Variants in IL1R1 observed in about 807,000 individuals in gnomAD.
IL1R1 encodes interleukin 1 receptor type 1.
Under a neutral mutation model 50.2 loss-of-function variants are expected in IL1R1, and 22 were observed. The ratio of observed to expected loss-of-function variants is 0.44; its 90% CI spans 0.31 to 0.63. IL1R1 has a LOEUF of 0.63. Ranked by LOEUF, IL1R1 falls within the 20% of genes least tolerant of loss-of-function variation. The pLI, the probability that IL1R1 is intolerant of heterozygous loss-of-function variation, is 0.07. For missense variants in IL1R1, 509 were observed against 676.2 expected (o/e 0.75, Z 2.74); for synonymous variants, 251 against 236.7 (o/e 1.06, Z -0.55).
intron 9 of IL1R1, among the ~76,000 whole-genome samples, 163 bp from the exon 10 acceptor site, chr2:102,174,424 A>C (rs984004262): frequency 6.6e-6 from 1 of 152,232 alleles, no homozygotes; most frequent in Admixed American, 6.5e-5. Context: ...GTACATTAGT[A>C]TCCATTACAA....
intron 1 of IL1R1, among the ~76,000 whole-genome samples, chr2:102,073,511 A>T (rs1159844486): frequency 6.6e-6 from 1 of 152,168 alleles, no homozygotes; most frequent in Non-Finnish European, 1.5e-5. Context: ...CCTCCAGTGT[A>T]GAGGAGACTG....
At chr2:102,143,067 A>C (rs548924740) in intron 1 of IL1R1, 47 bp downstream of exon 1, 3 of 152,462 alleles carry the variant, frequency 2.0e-5, no homozygotes, top group Admixed American at 2.0e-4. Flanking sequence ...GGTGAGACGG[A>C]CCACAGCCTT....
At chr2:102,092,912 G>C (rs1679738057) in intron 1 of IL1R1, among the ~76,000 whole-genome samples, 1 of 152,066 alleles carries the variant, frequency 6.6e-6, no homozygotes, top group Non-Finnish European at 1.5e-5. Flanking sequence ...ATTTCGCCAA[G>C]ATGTACTTAG....
chr2:102,119,674 A>C (rs1191499195), intron 1 of IL1R1, among the ~76,000 whole-genome samples: 5 of 152,200 alleles, frequency 3.3e-5, no homozygotes, highest in Admixed American at 3.3e-4. Context: ...GGTACAACTG[A>C]CAAACAATAA....
intron 1 of IL1R1, among the ~76,000 whole-genome samples, chr2:102,124,950 AC>A (rs1167246165): frequency 6.6e-6 from 1 of 152,072 alleles, no homozygotes; most frequent in Non-Finnish European, 1.5e-5. Flanking sequence ...CCTGAGACTC[AC>A]CCACTATCAC....
At chr2:102,093,025 G>A (rs750411294) in intron 1 of IL1R1, among the ~76,000 whole-genome samples, 6 of 152,214 alleles carry the variant, frequency 3.9e-5, no homozygotes, top group Non-Finnish European at 5.9e-5. Context: ...CTGATTAGCA[G>A]TTTTGGAATA....
intron 1 of IL1R1, among the ~76,000 whole-genome samples, chr2:102,147,002 C>T (rs532549439): frequency 2.0e-5 from 3 of 152,216 alleles, no homozygotes; most frequent in African/African-American, 7.2e-5. Context: ...GCGTGGGTGC[C>T]GAGATAGCAG....
intron 1 of IL1R1, among the ~76,000 whole-genome samples, chr2:102,120,853 C>T (rs1468105217): frequency 1.3e-5 from 2 of 152,140 alleles, no homozygotes; most frequent in Non-Finnish European, 2.9e-5. Context: ...GGTGTGCGCA[C>T]AATAAAAAAT....
chr2:102,092,269 G>C (rs1319375098), intron 1 of IL1R1, among the ~76,000 whole-genome samples: 1 of 152,012 alleles, frequency 6.6e-6, no homozygotes, highest in Non-Finnish European at 1.5e-5. Flanking sequence ...GCAGAGGGGC[G>C]GGAGGCTGGC....
chr2:102,083,583 C>T (rs972140894), intron 1 of IL1R1, among the ~76,000 whole-genome samples: 1 of 152,126 alleles, frequency 6.6e-6, no homozygotes, highest in East Asian at 1.9e-4. Flanking sequence ...AGGAGTTTTC[C>T]TCTAGTACCT....
chr2:102,129,429 A>C (rs562071645), intron 1 of IL1R1, among the ~76,000 whole-genome samples: 2 of 152,340 alleles, frequency 1.3e-5, no homozygotes, highest in South Asian at 2.1e-4. Flanking sequence ...TAGAAATTTC[A>C]TTCCTACATA....
At chr2:102,112,734 G>GT (rs749261449) in intron 1 of IL1R1, among the ~76,000 whole-genome samples, 1 of 152,068 alleles carries the variant, frequency 6.6e-6, no homozygotes, top group Non-Finnish European at 1.5e-5. Flanking sequence ...TACTTTAATA[G>GT]TTTTTTTTAG....
At chr2:102,126,232 G>A (rs1018070866) in intron 1 of IL1R1, among the ~76,000 whole-genome samples, 5 of 152,150 alleles carry the variant, frequency 3.3e-5, no homozygotes, top group African/African-American at 7.2e-5. Flanking sequence ...GTGTAGACAC[G>A]ACTGAGCTAG....
chr2:102,101,865 C>T (rs1039815557), upstream of IL1R1, among the ~76,000 whole-genome samples: 37 of 152,226 alleles, frequency 2.4e-4, no homozygotes, highest in African/African-American at 8.7e-4. Context: ...AGAGATTATC[C>T]ATTAACTTCT....
chr2:102,073,809 A>G lies in IL1R1; in HGVS notation c.-84+3276A>G, dbSNP rs184893932. Among the ~76,000 whole-genome samples, 1,838 of 152,308 alleles carry G rather than the reference A, an allele frequency of 0.012. 55 individuals carry two copies. The South Asian group carries it at 0.13, about 11-fold the overall frequency. ...AATCTCTAAGCTCAAAGAAGAGAAG[A>G]GGCAAAAAGCAACCCTACCTTATGC... is the stretch of plus-strand genomic sequence containing the variant. On this transcript the variant is annotated intron_variant, in intron 1 of 11. Transcript: ENST00000409929.
At chr2:102,098,193 TAATATCC>T (rs2104329973) in intron 1 of IL1R1, among the ~76,000 whole-genome samples, 1 of 152,240 alleles carries the variant, frequency 6.6e-6, no homozygotes, top group East Asian at 1.9e-4. Flanking sequence ...TAGTTTTTCA[TAATATCC>T]AATATCTATT....
intron 1 of IL1R1, among the ~76,000 whole-genome samples, chr2:102,115,874 G>A (rs1370829272): frequency 6.6e-6 from 1 of 152,196 alleles, no homozygotes; most frequent in Non-Finnish European, 1.5e-5. Flanking sequence ...CCAAAAGGTA[G>A]GATCAAGGGA....
chr2:102,148,973 C>CAAACAA (rs1346992952), intron 1 of IL1R1, among the ~76,000 whole-genome samples: 2 of 123,928 alleles, frequency 1.6e-5, no homozygotes, highest in African/African-American at 5.1e-5. Context: ...AACAAACAAA[C>CAAACAA]AAACAAACGG....
rs540585045 is a variant in IL1R1, at chr2:102,145,555, C to T, written c.-84+2535C>T. 6.6e-5 allele frequency among the ~76,000 whole-genome samples: 10 copies of T among 152,298 alleles called. 2 individuals are homozygous for T. Among genetic ancestry groups the T allele is most frequent in the African/African-American group, 2.2e-4 (9 of 41,546 alleles). ...CACGATGGAGACACCTATCACTTCC[C>T]AAGAGGACTCATGCCCACGAGCGGA... On this transcript the variant is annotated intron_variant, in intron 1 of 11. Coordinates refer to ENST00000410023, the MANE Select transcript of IL1R1 (RefSeq NM_000877.4).
Sources: allele counts gnomAD v4.1 joint callset (sites outside exome capture counted in the v4.1 genomes callset), GRCh38; gene constraint gnomAD v4.1.1; transcripts MANE v1.5; gene names NCBI Gene and HGNC (gene_info 2026-07-23, HGNC 2026-07-21).